The following TIMM50 variants were observed in gnomAD, a reference collection of about 807,000 sequenced individuals.
The protein encoded by TIMM50 is mitochondrial import inner membrane translocase subunit TIM50.
In TIMM50, 34 loss-of-function variants were observed where a neutral mutation model predicts 49.6. The ratio of observed to expected loss-of-function variants is 0.69; its 90% CI spans 0.52 to 0.91. TIMM50 has a LOEUF of 0.91. Ranked by LOEUF, TIMM50 falls within the 40% of genes least tolerant of loss-of-function variation. The pLI, the probability that TIMM50 is intolerant of heterozygous loss-of-function variation, is 0.00. For missense variants in TIMM50, 458 were observed against 477.8 expected, an observed-to-expected ratio of 0.96 and a Z score of 0.39; for synonymous variants, 199 against 198.4, an observed-to-expected ratio of 1.00 and a Z score of -0.03.
rs2079547492 is a variant in TIMM50, at chr19:39,491,841, A to C, written c.*2021A>C. On this transcript the variant is annotated 3_prime_UTR_variant, in exon 11 of 11. Coordinates refer to ENST00000607714, the MANE Select transcript of TIMM50 (RefSeq NM_001001563.5). ...GACCCTGTCTCAAAAAAAAAAAAAA[A>C]AAAAAAAAAACCTTAAGATTTTTTT... 2 of 151,340 alleles carry C rather than the reference A, an allele frequency of 1.3e-5. No individual in the cohort carries two copies. The highest frequency in any genetic ancestry group is 2.4e-5 in the African/African-American group (1 of 41,130). 9.4% of individuals were successfully genotyped at this position (151,340 alleles called of 1,614,324 possible).
intron 8 of TIMM50, 103 bp from the exon 9 acceptor site, chr19:39,487,958 A>G: frequency 2.7e-6 from 4 of 1,460,222 alleles, no homozygotes; most frequent in Middle Eastern, 1.8e-4. Flanking sequence ...TGATCCCAGT[A>G]TGTGTGATGC....
chr19:39,488,898 A>G (rs972737007), intron 10 of TIMM50, among the ~76,000 whole-genome samples: 2 of 151,990 alleles, frequency 1.3e-5, no homozygotes, highest in Non-Finnish European at 2.9e-5. Flanking sequence ...AGGCTGGGAG[A>G]GGGGTTGCCC....
intron 1 of TIMM50, 87 bp from the exon 2 acceptor site, chr19:39,481,796 C>G: frequency 6.6e-7 from 1 of 1,518,284 alleles, no homozygotes; most frequent in Non-Finnish European, 8.9e-7. Context: ...CCTCTTGGCT[C>G]CTGAACTTGA....
At chr19:39,485,466 G>C in intron 4 of TIMM50, 78 bp from the exon 5 acceptor site, 3 of 1,572,678 alleles carry the variant, frequency 1.9e-6, no homozygotes, top group Non-Finnish European at 2.6e-6. Context: ...GTATCTGGTA[G>C]ATAAGAAACC....
intron 10 of TIMM50, among the ~76,000 whole-genome samples, chr19:39,489,370 C>T (rs2079529044): frequency 6.6e-6 from 1 of 152,048 alleles, no homozygotes; most frequent in African/African-American, 2.4e-5. Context: ...GGAGGGGTCC[C>T]TGGGATCTGG....
Position 39,485,815 on chromosome 19 carries a change from C to T in TIMM50, c.492+8C>T. 6.2e-7 allele frequency: 1 copy of T among 1,614,026 alleles called. No individual in the cohort carries two copies. Among genetic ancestry groups the T allele is most frequent in the Non-Finnish European group, 8.5e-7 (1 of 1,180,012 alleles). The stretch of plus-strand genomic sequence containing the variant: ...TTGCATCCTGAGTGGTCGGTGTGTC[C>T]CGGGAAACCCAGTGGGTTGGGGATA... On this transcript the variant is annotated splice_region_variant and intron_variant, in intron 6 of 10. Transcript: ENST00000607714.
chr19:39,483,349 G>C (rs74360718), intron 4 of TIMM50, 193 bp downstream of exon 4: 2 of 662,970 alleles, frequency 3.0e-6, no homozygotes, highest in African/African-American at 1.8e-5. Flanking sequence ...CCTCAGCCCC[G>C]AGCAGATGGT....
chr19:39,483,239 T>A, intron 4 of TIMM50, 83 bp downstream of exon 4: 1 of 1,573,784 alleles, frequency 6.4e-7, no homozygotes, highest in East Asian at 2.2e-5. Context: ...CCATCTGGTG[T>A]CTCCGGCCCC....
chr19:39,480,867 C>A lies in TIMM50; in HGVS notation c.14C>A (p.Ala5Glu), dbSNP rs1451547210. 10 of 1,598,946 alleles carry A rather than the reference C, an allele frequency of 6.3e-6. No individual in the cohort carries two copies. The highest frequency in any genetic ancestry group is 8.5e-6 in the Non-Finnish European group (10 of 1,174,972). Residue 5 changes from alanine (A) to glutamate (E), a missense_variant, in exon 1 of 11, where the codon GCA (alanine) becomes GAA (glutamate). By Grantham distance (107) the Ala-to-Glu change is moderately radical. Transcript: ENST00000607714. Reference sequence around the variant, plus strand: ...CGTCAGCGCAAGATGGCGGCCTCGGCAGCGGTGTTCTCGCGCTTGCGAAGC... The same window carrying A: ...CGTCAGCGCAAGATGGCGGCCTCGGAAGCGGTGTTCTCGCGCTTGCGAAGC... MAAS[A>E]AVFSRLRSGL...
At position 39,486,470 on chromosome 19, in the gene TIMM50, G is replaced by T. The variant is rs2079508089; in HGVS notation, c.671G>T (p.Arg224Ile). Residue 224 changes from arginine (R) to isoleucine (I), a missense_variant, in exon 8 of 11, where the codon AGA (arginine) becomes ATA (isoleucine). Arg to Ile is a moderately conservative substitution (Grantham distance 97, BLOSUM62 -3). Coordinates refer to ENST00000607714, the MANE Select transcript of TIMM50 (RefSeq NM_001001563.5). ...ISYRLFRDAT[R>I]YMDGHHVKDI... ...TACCGCCTATTCCGGGACGCCACAA[G>T]ATACATGGATGGACACCATGTAAAG... The T allele has an allele frequency of 1.2e-6, 2 of 1,614,160 alleles. No homozygotes were observed. Among genetic ancestry groups the T allele is most frequent in the Non-Finnish European group, 1.7e-6 (2 of 1,180,024 alleles).
chr19:39,483,204 G>A, intron 4 of TIMM50, 48 bp downstream of exon 4: 1 of 1,611,900 alleles, frequency 6.2e-7, no homozygotes, highest in Non-Finnish European at 8.5e-7. Flanking sequence ...TCTCAACTCT[G>A]TCATTTGTAA....
At chr19:39,487,273 T>G (rs1470835065) in intron 8 of TIMM50, among the ~76,000 whole-genome samples, 1 of 152,030 alleles carries the variant, frequency 6.6e-6, no homozygotes, top group African/African-American at 2.4e-5. Context: ...GGGGGTTGTT[T>G]TGTTTTTTGT....
Position 39,492,560 on chromosome 19 carries a change from G to C in TIMM50, c.*2740G>C, listed in dbSNP as rs2079552731. 1 of 151,736 alleles carries C rather than the reference G, an allele frequency of 6.6e-6. No individual in the cohort carries two copies. Among genetic ancestry groups the C allele is most frequent in the Non-Finnish European group, 1.5e-5 (1 of 67,994 alleles). 9.4% of individuals were successfully genotyped at this position (151,736 alleles called of 1,614,324 possible). On this transcript the variant is annotated 3_prime_UTR_variant, in exon 11 of 11. Coordinates refer to ENST00000607714, the MANE Select transcript of TIMM50 (RefSeq NM_001001563.5). ...GTGCTTGCTGTTACCAGGCCATATGGGTTATTCACAGATTGAAATATCTTA... is the reference window on the plus strand; with the variant it reads ...GTGCTTGCTGTTACCAGGCCATATGCGTTATTCACAGATTGAAATATCTTA...
At chr19:39,483,078 G>A (rs904233122) in intron 3 of TIMM50, 57 bp from the exon 4 acceptor site, 1 of 1,612,992 alleles carries the variant, frequency 6.2e-7, no homozygotes, top group Non-Finnish European at 8.5e-7. Flanking sequence ...TTTTCTGTAT[G>A]TGATGGGGTT....
chr19:39,482,744 G>A, intron 2 of TIMM50, 141 bp from the exon 3 acceptor site: 1 of 1,044,584 alleles, frequency 9.6e-7, no homozygotes, highest in Non-Finnish European at 1.4e-6. Context: ...TTGGCTCCCA[G>A]CCCCCTCCTG....
chr19:39,483,219 G>A (rs2079484315), intron 4 of TIMM50, 63 bp downstream of exon 4: 3 of 1,604,754 alleles, frequency 1.9e-6, no homozygotes, highest in Non-Finnish European at 2.6e-6. Context: ...TTGTAAGGAT[G>A]TCTCTCTCCC....
chr19:39,488,699 G>T, intron 10 of TIMM50, 54 bp downstream of exon 10: 1 of 1,456,246 alleles, frequency 6.9e-7, no homozygotes, highest in Admixed American at 1.7e-5. Flanking sequence ...CCTGAAGGAG[G>T]AGCCTGGGGC....
At position 39,490,534 on chromosome 19, in the gene TIMM50, G is replaced by A. The variant is rs1402695813; in HGVS notation, c.*714G>A. 1.3e-5 allele frequency: 2 copies of A among 151,944 alleles called. No individual in the cohort carries two copies. Among genetic ancestry groups the A allele is most frequent in the Non-Finnish European group, 2.9e-5 (2 of 68,020 alleles). The allele number at this position is 151,944 out of a possible 1,614,324, so 9.4% of individuals were successfully genotyped here. On this transcript the variant is annotated 3_prime_UTR_variant, in exon 11 of 11. Coordinates refer to ENST00000607714, the MANE Select transcript of TIMM50 (RefSeq NM_001001563.5). The stretch of plus-strand genomic sequence containing the variant: ...GAGTACCCTCCTGGGGACTACAGGT[G>A]CGTGCTACCATACCCAGCTAATTTA...
At chr19:39,485,912 T>G in intron 6 of TIMM50, 105 bp downstream of exon 6, 1 of 1,489,138 alleles carries the variant, frequency 6.7e-7, no homozygotes, top group Non-Finnish European at 9.2e-7. Context: ...GGGGAGGAGA[T>G]GTCACCTGTC....
Sources: gnomAD v4.1 joint callset for allele counts (sites outside exome capture counted in the v4.1 genomes callset) on GRCh38, gnomAD v4.1.1 for gene constraint, MANE v1.5 for transcripts, NCBI Gene and HGNC (gene_info 2026-07-23, HGNC 2026-07-21) for gene names.